The following DNAJC5B variants were observed in gnomAD, a reference collection of about 807,000 sequenced individuals.
DNAJC5B encodes the protein dnaJ homolog subfamily C member 5B.
Under a neutral mutation model 24.7 loss-of-function variants are expected in DNAJC5B, and 23 were observed. The observed-to-expected ratio is 0.93, with a 90% CI of 0.67 to 1.32. The LOEUF (loss-of-function observed/expected upper bound fraction) is 1.32. Among genes scored for constraint, DNAJC5B ranks in the 40% most tolerant of loss-of-function variants. DNAJC5B has a pLI of 0.00. For synonymous variants in DNAJC5B, 101 were observed against 90.1 expected (o/e 1.12, Z -0.68); for missense variants, 238 against 240.8 (o/e 0.99, Z 0.08).
intron 2 of DNAJC5B, among the ~76,000 whole-genome samples, chr8:66,045,024 G>A (rs114513628): frequency 7.2e-5 from 11 of 152,184 alleles, no homozygotes; most frequent in Non-Finnish European, 1.2e-4. Flanking sequence ...AGTCATTAAA[G>A]GTTTCAATGT....
intron 3 of DNAJC5B, among the ~76,000 whole-genome samples, chr8:66,052,499 T>C (rs1419103638): frequency 6.6e-6 from 1 of 152,144 alleles, no homozygotes; most frequent in Non-Finnish European, 1.5e-5. Context: ...CCCAAACATA[T>C]GAGAGAAGCT....
At chr8:66,096,340 T>TA (rs2128967297) in intron 5 of DNAJC5B, among the ~76,000 whole-genome samples, 1 of 152,266 alleles carries the variant, frequency 6.6e-6, no homozygotes, top group Non-Finnish European at 1.5e-5. Flanking sequence ...CATTGTAAGG[T>TA]ACTAGGAATT....
At chr8:66,040,304 C>G (rs1806580619) in intron 1 of DNAJC5B, among the ~76,000 whole-genome samples, 2 of 152,020 alleles carry the variant, frequency 1.3e-5, no homozygotes, top group Admixed American at 6.5e-5. Context: ...GCAGGGGAAT[C>G]ACCTGAACTC....
intron 1 of DNAJC5B, among the ~76,000 whole-genome samples, chr8:66,035,183 A>G (rs1401202539): frequency 6.6e-6 from 1 of 152,220 alleles, no homozygotes; most frequent in East Asian, 1.9e-4. Context: ...CTTCCCTCCA[A>G]TAATGCCCCC....
At chr8:66,018,636 A>C (rs1012249442), upstream of DNAJC5B, among the ~76,000 whole-genome samples, 1 of 152,148 alleles carries the variant, frequency 6.6e-6, no homozygotes, top group African/African-American at 2.4e-5. Context: ...ATTTGTGTAC[A>C]CCTACACCAC....
chr8:66,056,958 G>A (rs1057090154), intron 3 of DNAJC5B: 1 of 152,190 alleles, frequency 6.6e-6, no homozygotes, highest in African/African-American at 2.4e-5. Context: ...GGCTAACACA[G>A]TGAAAGCCCA....
intron 3 of DNAJC5B, among the ~76,000 whole-genome samples, chr8:66,059,844 C>T (rs1206951519): frequency 6.6e-6 from 1 of 152,198 alleles, no homozygotes; most frequent in Non-Finnish European, 1.5e-5. Flanking sequence ...TGCTGCAGCT[C>T]CCCTGCCACT....
Position 66,043,539 on chromosome 8 carries a change from A to G in DNAJC5B, c.-90A>G, listed in dbSNP as rs1466079524. ...AACAAATGAAAAGTAACCTGACTCT[A>G]TTGACCTGCTTAACCCTGCATGGGG... On this transcript the variant is annotated 5_prime_UTR_variant, in exon 2 of 6. Transcript: ENST00000276570. The G allele has an allele frequency of 1.3e-5, 2 of 152,252 alleles. No individual in the cohort carries two copies. Among genetic ancestry groups the G allele is most frequent in the Non-Finnish European group, 2.9e-5 (2 of 68,072 alleles). The allele number at this position is 152,252 out of a possible 1,614,324, so 9.4% of individuals were successfully genotyped here. A position where few individuals can be genotyped will look rare whatever the true frequency, so the allele number is the denominator to read the frequency against.
chr8:66,019,395 A>G (rs1435513687), upstream of DNAJC5B, among the ~76,000 whole-genome samples: 5 of 152,176 alleles, frequency 3.3e-5, no homozygotes, highest in Non-Finnish European at 7.4e-5. Context: ...GAAAAAAGAG[A>G]TTTTTTAATG....
chr8:66,079,776 A>C (rs1807550857), intron 4 of DNAJC5B, among the ~76,000 whole-genome samples: 1 of 152,200 alleles, frequency 6.6e-6, no homozygotes, highest in South Asian at 2.1e-4. Context: ...GAGGGGAGGC[A>C]GGGAGGCCAG....
intron 5 of DNAJC5B, among the ~76,000 whole-genome samples, chr8:66,089,547 A>T (rs1051609636): frequency 6.6e-6 from 1 of 152,234 alleles, no homozygotes; most frequent in Non-Finnish European, 1.5e-5. Flanking sequence ...CTAATTATGT[A>T]TCTAAGACTT....
intron 3 of DNAJC5B, among the ~76,000 whole-genome samples, chr8:66,073,485 A>G (rs941481472): frequency 2.7e-5 from 4 of 149,436 alleles, no homozygotes; most frequent in East Asian, 2.0e-4. Flanking sequence ...GCATGTGTTC[A>G]TGTGTGTGTG....
chr8:66,071,162 A>ACACCAAAAGCAATGG (rs1807339690), intron 3 of DNAJC5B, among the ~76,000 whole-genome samples: 1 of 152,232 alleles, frequency 6.6e-6, no homozygotes, highest in Non-Finnish European at 1.5e-5. Context: ...CATGACTAAA[A>ACACCAAAAGCAATGG]CACCAAAAGC....
intron 5 of DNAJC5B, among the ~76,000 whole-genome samples, chr8:66,088,283 T>C (rs1283206670): frequency 6.6e-6 from 1 of 152,114 alleles, no homozygotes; most frequent in Admixed American, 6.5e-5. Context: ...GGGCACCAAG[T>C]CTTGAAGCTG....
intron 3 of DNAJC5B, among the ~76,000 whole-genome samples, chr8:66,055,568 T>C (rs939470117): frequency 7.9e-5 from 12 of 152,232 alleles, no homozygotes; most frequent in Non-Finnish European, 1.5e-4. Context: ...TTACCTCATA[T>C]CACCCAAGTC....
chr8:66,042,152 C>A (rs1563590671), intron 1 of DNAJC5B, among the ~76,000 whole-genome samples: 1 of 152,164 alleles, frequency 6.6e-6, no homozygotes, highest in Non-Finnish European at 1.5e-5. Flanking sequence ...GGCTGTAACT[C>A]TTTGACTCAC....
In DNAJC5B at chr8:66,085,577, A is replaced by T. The variant is rs7004421; in HGVS notation, c.505+5029A>T. The stretch of plus-strand genomic sequence containing the variant: ...GACAGAGCGAGACTCCATCTCAAAA[A>T]ATATATATATATATATCAATTGGCC... On this transcript the variant is annotated intron_variant, in intron 5 of 5. Coordinates refer to ENST00000276570, the MANE Select transcript of DNAJC5B (RefSeq NM_033105.6). Among the ~76,000 whole-genome samples, 264 of 150,670 alleles carry T rather than the reference A, an allele frequency of 1.8e-3. 1 individual carries two copies. Among genetic ancestry groups the T allele is most frequent in the Admixed American group, 4.4e-3 (66 of 15,126 alleles).
chr8:66,037,371 G>T (rs1249141989), intron 1 of DNAJC5B, among the ~76,000 whole-genome samples: 2 of 152,184 alleles, frequency 1.3e-5, no homozygotes, highest in Non-Finnish European at 2.9e-5. Context: ...CTTCGTGGGT[G>T]CTGGGGGCTC....
At chr8:66,026,753 C>G (rs752787547) in intron 1 of DNAJC5B, among the ~76,000 whole-genome samples, 2 of 152,194 alleles carry the variant, frequency 1.3e-5, no homozygotes, top group African/African-American at 2.4e-5. Context: ...TGCTGTTTAC[C>G]CTGCTATCCC....
Sources: allele counts gnomAD v4.1 joint callset (sites outside exome capture counted in the v4.1 genomes callset), GRCh38; gene constraint gnomAD v4.1.1; transcripts MANE v1.5; gene names NCBI Gene and HGNC (gene_info 2026-07-23, HGNC 2026-07-21).